PTPRD: variants seen among roughly 807,000 people sequenced by gnomAD.
The protein encoded by PTPRD is protein tyrosine phosphatase receptor type D, also known as receptor-type tyrosine-protein phosphatase delta.
In PTPRD, 34 loss-of-function variants were observed where a neutral mutation model predicts 214.5. The ratio of observed to expected loss-of-function variants is 0.16; its 90% CI spans 0.12 to 0.21. The LOEUF is 0.21. Ranked by LOEUF, PTPRD falls within the 10% of genes least tolerant of loss-of-function variation. The pLI is 1.00. For synonymous variants in PTPRD, 1,128 were observed against 845.7 expected (o/e 1.33, Z -5.79); for missense variants, 2,545 against 2,398.7 (o/e 1.06, Z -1.27).
intron 9 of PTPRD, among the ~76,000 whole-genome samples, chr9:9,278,709 G>A (rs547271573): frequency 1.5e-4 from 23 of 151,284 alleles, no homozygotes; most frequent in African/African-American, 4.3e-4. Flanking sequence ...TCAGACCTGC[G>A]GAATTCTCTG....
At chr9:8,598,425 C>T (rs2094591314) in intron 14 of PTPRD, among the ~76,000 whole-genome samples, 1 of 151,924 alleles carries the variant, frequency 6.6e-6, no homozygotes, top group East Asian at 1.9e-4. Context: ...CATGCCACTG[C>T]ACTCCAGCCT....
chr9:8,941,515 C>T (rs2099033742), intron 11 of PTPRD, among the ~76,000 whole-genome samples: 3 of 152,148 alleles, frequency 2.0e-5, no homozygotes, highest in South Asian at 2.1e-4. Context: ...GGGTAAGTAA[C>T]TTAACCTCAC....
intron 8 of PTPRD, among the ~76,000 whole-genome samples, chr9:9,562,865 T>C (rs1469477878): frequency 6.6e-6 from 1 of 152,152 alleles, no homozygotes; most frequent in African/African-American, 2.4e-5. Flanking sequence ...ATATGCTAGA[T>C]TATTCTATCA....
rs145089355 is a variant in PTPRD, at chr9:10,290,206, A to G, written c.-545+50757T>C. Among the ~76,000 whole-genome samples the G allele has an allele frequency of 3.1e-3, 466 of 152,202 alleles. 3 individuals carry two copies. Among genetic ancestry groups the G allele is most frequent in the African/African-American group, 0.011 (448 of 41,534 alleles). On this transcript the variant is annotated intron_variant, in intron 3 of 45. Transcript: ENST00000381196. ...AACTGCATATCAGAAGGTACCCAAAATACTGTTCATTTATTCAATAGTAGT... is the reference window on the plus strand; with the variant it reads ...AACTGCATATCAGAAGGTACCCAAAGTACTGTTCATTTATTCAATAGTAGT...
chr9:9,625,403 C>G (rs960770710), intron 7 of PTPRD, among the ~76,000 whole-genome samples: 2 of 152,090 alleles, frequency 1.3e-5, no homozygotes, highest in Non-Finnish European at 2.9e-5. Context: ...GCTAGGAGTA[C>G]GTCTTCGCAC....
chr9:8,430,692 C>T (rs548293105), intron 35 of PTPRD, among the ~76,000 whole-genome samples: 23 of 152,210 alleles, frequency 1.5e-4, no homozygotes, highest in Admixed American at 9.2e-4. Context: ...TCCCAGGTGA[C>T]GCCAATGCTG....
At chr9:10,000,983 A>C (rs888025566) in intron 4 of PTPRD, among the ~76,000 whole-genome samples, 3 of 152,176 alleles carry the variant, frequency 2.0e-5, no homozygotes, top group Non-Finnish European at 4.4e-5. Context: ...TGCTTTCTCC[A>C]GCTTCCCAAT....
chr9:8,492,748 T>C (rs2097177219), intron 27 of PTPRD, 114 bp downstream of exon 27: 6 of 632,184 alleles, frequency 9.5e-6, no homozygotes, highest in African/African-American at 3.7e-5. Flanking sequence ...AAGTTGACCA[T>C]AGTCCATTTA....
At position 10,341,381 on chromosome 9, in the gene PTPRD, T is replaced by C. The variant is rs1246282678; in HGVS notation, c.-599-364A>G. ...AGTACATTGTCTAATTAGCTGAAAA[T>C]TATAAAGTGAAATTATACAACTTTA... On this transcript the variant is annotated intron_variant, in intron 2 of 45. Coordinates refer to ENST00000381196, the MANE Select transcript of PTPRD (RefSeq NM_002839.4). Among the ~76,000 whole-genome samples the C allele has an allele frequency of 2.6e-5, 4 of 151,970 alleles. No individual in the cohort carries two copies. In the East Asian group the frequency reaches 5.8e-4, roughly 22 times the overall value.
chr9:10,304,898 A>G (rs2096005784), intron 3 of PTPRD, among the ~76,000 whole-genome samples: 1 of 152,074 alleles, frequency 6.6e-6, no homozygotes, highest in African/African-American at 2.4e-5. Context: ...ACAGAATTGG[A>G]AAAAAACTAC....
At chr9:9,900,421 C>G (rs1027287807) in intron 5 of PTPRD, among the ~76,000 whole-genome samples, 1 of 152,206 alleles carries the variant, frequency 6.6e-6, no homozygotes, top group East Asian at 1.9e-4. Flanking sequence ...AGGCAAAACA[C>G]AAGTGACCTT....
chr9:9,781,383 G>A (rs760226099), intron 5 of PTPRD, among the ~76,000 whole-genome samples: 21 of 151,954 alleles, frequency 1.4e-4, no homozygotes, highest in Non-Finnish European at 1.6e-4. Context: ...ATAAACATTC[G>A]ATAAAAATAC....
intron 9 of PTPRD, among the ~76,000 whole-genome samples, chr9:9,256,821 C>T (rs180848216): frequency 6.6e-6 from 1 of 151,970 alleles, no homozygotes; most frequent in Non-Finnish European, 1.5e-5. Flanking sequence ...ACCCCAGCTG[C>T]CTCTCTGCTT....
chr9:8,365,605 T>C (rs2079628419), intron 39 of PTPRD, among the ~76,000 whole-genome samples: 1 of 152,088 alleles, frequency 6.6e-6, no homozygotes. Flanking sequence ...GGTTCAGCAA[T>C]GTGGCACTCA....
At chr9:9,396,908 C>T (rs1472185698) in intron 9 of PTPRD, among the ~76,000 whole-genome samples, 1 of 151,980 alleles carries the variant, frequency 6.6e-6, no homozygotes, top group Non-Finnish European at 1.5e-5. Flanking sequence ...CCAAGAGAGA[C>T]ATAAATGGGT....
chr9:8,374,506 A>C (rs2082637236), intron 39 of PTPRD, among the ~76,000 whole-genome samples: 1 of 152,080 alleles, frequency 6.6e-6, no homozygotes, highest in African/African-American at 2.4e-5. Context: ...TGGAGTGGCC[A>C]GTCCTCAAAG....
At chr9:9,220,063 G>C (rs73388850) in intron 9 of PTPRD, among the ~76,000 whole-genome samples, 11,509 of 152,070 alleles carry the variant, frequency 0.076, 526 homozygotes, top group African/African-American at 0.12. Context: ...TGTTTACTTA[G>C]AGAAGTTTAC....
chr9:8,381,819 C>T (rs1432656609), intron 37 of PTPRD, among the ~76,000 whole-genome samples: 3 of 152,188 alleles, frequency 2.0e-5, no homozygotes, highest in African/African-American at 4.8e-5. Flanking sequence ...AGGGAGCTGC[C>T]GTAAACTTTT....
At chr9:8,662,135 C>A (rs1034384259) in intron 12 of PTPRD, among the ~76,000 whole-genome samples, 4 of 152,142 alleles carry the variant, frequency 2.6e-5, no homozygotes, top group African/African-American at 9.6e-5. Context: ...AGAACAATAA[C>A]TTATGAGGAT....
Sources: gnomAD v4.1 joint callset for allele counts (sites outside exome capture counted in the v4.1 genomes callset) on GRCh38, gnomAD v4.1.1 for gene constraint, MANE v1.5 for transcripts, NCBI Gene and HGNC (gene_info 2026-07-23, HGNC 2026-07-21) for gene names.